The following RILPL1 variants were observed in gnomAD, a reference collection of about 807,000 sequenced individuals.
RILPL1 encodes the protein RILP-like protein 1.
RILPL1 carries 33 observed loss-of-function variants against 50.3 expected under a neutral mutation model. That is an observed-to-expected ratio of 0.66 (90% CI 0.50 to 0.88). The LOEUF is 0.88. RILPL1 is among the 40% of genes least tolerant of loss of function. The pLI is 0.00. For synonymous variants in RILPL1, 205 were observed against 228.6 expected (o/e 0.90, Z 0.93); for missense variants, 418 against 542.5 (o/e 0.77, Z 2.28).
rs552223986 is a variant in RILPL1 at position 123,504,000 on chromosome 12, C to CA, written c.461-4465dup. On this transcript the variant is annotated intron_variant, in intron 2 of 6. Coordinates refer to ENST00000376874, the MANE Select transcript of RILPL1 (RefSeq NM_178314.5). ...TGGGTGATAGAGCGAGACTCTATCT[C>CA]AAAAAAAAAAAAAAAAAAGAAAGAT... is the stretch of plus-strand genomic sequence containing the variant. Among the ~76,000 whole-genome samples the CA allele has an allele frequency of 5.4e-3, 564 of 104,464 alleles. 6 individuals carry two copies. The highest frequency in any genetic ancestry group is 0.025 in the East Asian group (52 of 2,080). The allele number at this position is 104,464 out of a possible 152,430, so 68.5% of individuals were successfully genotyped here. A position where few individuals can be genotyped will look rare whatever the true frequency, so the allele number is the denominator to read the frequency against.
chr12:123,508,868 CAA>C (rs1230619514), intron 2 of RILPL1, among the ~76,000 whole-genome samples: 1 of 144,810 alleles, frequency 6.9e-6, no homozygotes. Context: ...CCCTCATCTC[CAA>C]AAAAAAAAAG....
intron 4 of RILPL1, among the ~76,000 whole-genome samples, chr12:123,488,662 A>G (rs1346375546): frequency 9.2e-5 from 14 of 152,148 alleles, no homozygotes; most frequent in Non-Finnish European, 1.5e-5. Context: ...ACGTCAGGTG[A>G]CAGCAGAGCC....
chr12:123,482,635 T>C (rs1170842813), intron 6 of RILPL1, among the ~76,000 whole-genome samples: 10 of 151,312 alleles, frequency 6.6e-5, no homozygotes, highest in East Asian at 5.8e-4. Flanking sequence ...TTTTTTTTTT[T>C]CGAGACAGGG....
rs1206722319 is a variant in RILPL1, at chr12:123,489,140, T to C, written c.802-3335A>G. 6.6e-6 allele frequency among the ~76,000 whole-genome samples: 1 copy of C among 152,220 alleles called. No homozygotes were observed. Among genetic ancestry groups the C allele is most frequent in the Non-Finnish European group, 1.5e-5 (1 of 68,032 alleles). ...GGATGTCTAGTTATCCAACATTTACTGAGAGCTAACTTTGTGCCTTGCTGG... is the reference window on the plus strand; with the variant it reads ...GGATGTCTAGTTATCCAACATTTACCGAGAGCTAACTTTGTGCCTTGCTGG... On this transcript the variant is annotated intron_variant, in intron 4 of 6. Coordinates refer to ENST00000376874, the MANE Select transcript of RILPL1 (RefSeq NM_178314.5). The surrounding 1 kb of genome is among the most constrained non-coding windows in gnomAD (Gnocchi z 4.0).
chr12:123,523,720 G>A, intron 1 of RILPL1, 75 bp from the exon 2 acceptor site: 1 of 1,521,084 alleles, frequency 6.6e-7, no homozygotes, highest in Non-Finnish European at 8.8e-7. Context: ...ACCCTCAGGG[G>A]CAGCTTGGGT....
At chr12:123,510,993 CTG>C (rs565116105) in intron 2 of RILPL1, among the ~76,000 whole-genome samples, 4 of 82,820 alleles carry the variant, frequency 4.8e-5, no homozygotes, top group Non-Finnish European at 7.1e-5. Context: ...TGTGTGAGGT[CTG>C]TGTGTGTGGT....
rs1458431555 is a variant in RILPL1, at chr12:123,533,355, T to C, written c.128A>G (p.Asp43Gly). 6.3e-7 allele frequency: 1 copy of C among 1,577,156 alleles called. No homozygotes were observed. Among genetic ancestry groups the C allele is most frequent in the East Asian group, 2.3e-5 (1 of 42,686 alleles). The part of the protein sequence containing the change: ...LVGHEFERVI[D>G]QHGCEAIARL... ...CGCGATGGCCTCGCAGCCGTGCTGGTCAATGACCCGCTCGAACTCGTGGCC... is the reference window on the plus strand; with the variant it reads ...CGCGATGGCCTCGCAGCCGTGCTGGCCAATGACCCGCTCGAACTCGTGGCC... Residue 43 changes from aspartate to glycine, a missense_variant, in exon 1 of 7, where the codon GAC (aspartate) becomes GGC (glycine). Transcript: ENST00000376874. The surrounding 1 kb of genome is among the most constrained non-coding windows in gnomAD (Gnocchi z 6.2).
At chr12:123,521,685 ACACACATATATG>A (rs1885057808) in intron 2 of RILPL1, among the ~76,000 whole-genome samples, 1 of 35,902 alleles carries the variant, frequency 2.8e-5, no homozygotes, top group Non-Finnish European at 4.7e-5. Context: ...ATATATATAT[ACACACATATATG>A]TATATATATA....
At chr12:123,477,337 C>CT (rs371346379) in intron 6 of RILPL1, among the ~76,000 whole-genome samples, 3,204 of 105,274 alleles carry the variant, frequency 0.03, 148 homozygotes, top group African/African-American at 0.076. Context: ...TTCTTTCTTT[C>CT]TTTTTTTTTT....
At position 123,524,207 on chromosome 12, in the gene RILPL1, G is replaced by A. The variant is rs923113608; in HGVS notation, c.310-562C>T. Among the ~76,000 whole-genome samples, 6 of 152,328 alleles carry A rather than the reference G, an allele frequency of 3.9e-5. No homozygotes were observed. In the East Asian group the frequency reaches 9.6e-4, roughly 24 times the overall value. On this transcript the variant is annotated intron_variant, in intron 1 of 6. Coordinates refer to ENST00000376874, the MANE Select transcript of RILPL1 (RefSeq NM_178314.5). ...TGGTGGAACCAAAACAAAGGCTCAC[G>A]AAGTGAATGTGAGGATAAATAAAAT...
At chr12:123,474,946 T>C (rs1001210003) in intron 6 of RILPL1, 4 of 152,458 alleles carry the variant, frequency 2.6e-5, no homozygotes, top group African/African-American at 9.6e-5. Context: ...TGATCTTTCA[T>C]TGCAAAGCCA....
At chr12:123,502,222 T>C (rs917974633) in intron 2 of RILPL1, among the ~76,000 whole-genome samples, 3 of 152,170 alleles carry the variant, frequency 2.0e-5, no homozygotes, top group African/African-American at 4.8e-5. Flanking sequence ...GAGGGTTACA[T>C]AATTGTTTTG....
intron 2 of RILPL1, among the ~76,000 whole-genome samples, chr12:123,506,280 C>A (rs1043157974): frequency 6.6e-6 from 1 of 152,196 alleles, no homozygotes; most frequent in South Asian, 2.1e-4. Context: ...GAGGGCAATG[C>A]GGGCTGAGGC....
At chr12:123,479,894 C>A (rs549960667) in intron 6 of RILPL1, among the ~76,000 whole-genome samples, 2 of 152,188 alleles carry the variant, frequency 1.3e-5, no homozygotes, top group African/African-American at 4.8e-5. Context: ...AGGACAGACA[C>A]CACAGCCTAT....
At chr12:123,529,542 G>T (rs1273003500) in intron 1 of RILPL1, among the ~76,000 whole-genome samples, 1 of 151,636 alleles carries the variant, frequency 6.6e-6, no homozygotes, top group Non-Finnish European at 1.5e-5. Flanking sequence ...CTCCCAAAGT[G>T]CTGGGATTAC....
chr12:123,505,323 C>T (rs1457354926), intron 2 of RILPL1, among the ~76,000 whole-genome samples: 2 of 152,056 alleles, frequency 1.3e-5, no homozygotes, highest in South Asian at 2.1e-4. Flanking sequence ...TGAGCCACTG[C>T]GCCCAGCCTG....
intron 6 of RILPL1, chr12:123,475,710 T>C (rs1003715567): frequency 1.3e-6 from 2 of 1,594,026 alleles, no homozygotes; most frequent in African/African-American, 2.7e-5. Context: ...TCATCTATTA[T>C]CAGTCCCGCT....
chr12:123,528,467 A>C (rs1200354284), intron 1 of RILPL1, among the ~76,000 whole-genome samples: 1 of 146,560 alleles, frequency 6.8e-6, no homozygotes, highest in Admixed American at 7.0e-5. Context: ...TCACTCTGTC[A>C]CCCAGGCTGG....
chr12:123,500,024 C>T (rs896424650), intron 2 of RILPL1, among the ~76,000 whole-genome samples: 3 of 151,824 alleles, frequency 2.0e-5, no homozygotes, highest in East Asian at 3.9e-4. Context: ...CTCCTCCTCC[C>T]GGGTTCACAC....
Sources: gnomAD v4.1 joint callset for allele counts (sites outside exome capture counted in the v4.1 genomes callset) on GRCh38, gnomAD v4.1.1 for gene constraint, Gnocchi (gnomAD v3.1) non-coding constraint, MANE v1.5 for transcripts, NCBI Gene and HGNC (gene_info 2026-07-23, HGNC 2026-07-21) for gene names.